The following TNFSF4 variants were observed in gnomAD, a reference collection of about 807,000 sequenced individuals.
The protein encoded by TNFSF4 is tumor necrosis factor ligand superfamily member 4.
Under a neutral mutation model 7.3 loss-of-function variants are expected in TNFSF4, and 4 were observed. The ratio of observed to expected loss-of-function variants is 0.55; its 90% CI spans 0.27 to 1.25. The LOEUF (loss-of-function observed/expected upper bound fraction) is 1.25, where lower values mean the gene tolerates loss of function less well. TNFSF4 is among the 50% of genes most tolerant of loss of function. The pLI is 0.12. For synonymous variants in TNFSF4, 76 were observed against 83.7 expected (o/e 0.91, Z 0.50); for missense variants, 181 against 208.8 (o/e 0.87, Z 0.82).
At chr1:173,343,120 C>G in the TNFSF4 span, among the ~76,000 whole-genome samples, 2 of 152,158 alleles carry the variant, frequency 1.3e-5, no homozygotes, top group African/African-American at 4.8e-5. Context: ...TTCATATGAT[C>G]AATAACTACT....
At chr1:173,271,484 C>T in the TNFSF4 span, among the ~76,000 whole-genome samples, 17 of 151,530 alleles carry the variant, frequency 1.1e-4, no homozygotes, top group African/African-American at 3.7e-4. Flanking sequence ...CTACAAAGAA[C>T]TTAAACAAAT....
chr1:173,340,323 TACACACACAC>T, the TNFSF4 span, among the ~76,000 whole-genome samples: 260 of 135,852 alleles, frequency 1.9e-3, 1 homozygote, highest in East Asian at 0.022. Context: ...CTAATCTGTT[TACACACACAC>T]ACACACACAC....
downstream of TNFSF4, among the ~76,000 whole-genome samples, chr1:173,182,085 A>G (rs1472386851): frequency 6.6e-6 from 1 of 152,204 alleles, no homozygotes; most frequent in East Asian, 1.9e-4. Flanking sequence ...AAACCACCCC[A>G]GTATGGTCTT....
chr1:173,197,332 T>C (rs1344990576), intron 1 of TNFSF4, among the ~76,000 whole-genome samples: 1 of 152,238 alleles, frequency 6.6e-6, no homozygotes, highest in South Asian at 2.1e-4. Flanking sequence ...ACCCCATTAC[T>C]GGGTATATAC....
At chr1:173,213,244 A>G in the TNFSF4 span, among the ~76,000 whole-genome samples, 2 of 151,972 alleles carry the variant, frequency 1.3e-5, no homozygotes, top group East Asian at 3.9e-4. Flanking sequence ...TCACTTGTCA[A>G]CCCCTTTTGT....
chr1:173,329,142 T>A, the TNFSF4 span, among the ~76,000 whole-genome samples: 1 of 152,206 alleles, frequency 6.6e-6, no homozygotes, highest in Non-Finnish European at 1.5e-5. Context: ...CTGCTTATGT[T>A]GTAATATTAA....
chr1:173,335,866 A>C, the TNFSF4 span, among the ~76,000 whole-genome samples: 2 of 152,202 alleles, frequency 1.3e-5, no homozygotes, highest in Admixed American at 6.5e-5. Flanking sequence ...GTTACTATAG[A>C]TTGGGGTAAA....
upstream of TNFSF4, among the ~76,000 whole-genome samples, chr1:173,207,796 C>T (rs1167246842): frequency 6.6e-6 from 1 of 152,154 alleles, no homozygotes; most frequent in Non-Finnish European, 1.5e-5. Context: ...CTGGGTCATG[C>T]AGAAGTAAAG....
the TNFSF4 span, among the ~76,000 whole-genome samples, chr1:173,266,136 C>T: frequency 6.6e-6 from 1 of 151,840 alleles, no homozygotes; most frequent in Admixed American, 6.6e-5. Context: ...GAGATAATAA[C>T]CAATTCAACC....
chr1:173,430,158 A>C, the TNFSF4 span, among the ~76,000 whole-genome samples: 1 of 152,216 alleles, frequency 6.6e-6, no homozygotes, highest in African/African-American at 2.4e-5. Flanking sequence ...CTAAGCACAC[A>C]GACGGTTGCA....
At chr1:173,381,783 G>A in the TNFSF4 span, among the ~76,000 whole-genome samples, 2 of 152,196 alleles carry the variant, frequency 1.3e-5, no homozygotes, top group African/African-American at 2.4e-5. Context: ...GGGCTTCTGG[G>A]TCGGGTGGGG....
chr1:173,435,326 C>T, the TNFSF4 span, among the ~76,000 whole-genome samples: 4 of 152,188 alleles, frequency 2.6e-5, no homozygotes, highest in Admixed American at 1.3e-4. Flanking sequence ...TTAGTTTACG[C>T]TCTGGACTGA....
chr1:173,252,924 A>G, the TNFSF4 span, among the ~76,000 whole-genome samples: 1 of 152,262 alleles, frequency 6.6e-6, no homozygotes, highest in Non-Finnish European at 1.5e-5. Context: ...GATAAGTTTC[A>G]GAACTTCCTT....
the TNFSF4 span, among the ~76,000 whole-genome samples, chr1:173,245,640 T>C: frequency 1.5e-4 from 23 of 152,306 alleles, no homozygotes; most frequent in African/African-American, 4.3e-4. Flanking sequence ...AAATATACAA[T>C]ATTGTTAACC....
At chr1:173,357,525 A>T in the TNFSF4 span, among the ~76,000 whole-genome samples, 9,217 of 149,474 alleles carry the variant, frequency 0.062, 417 homozygotes, top group Non-Finnish European at 0.09. Flanking sequence ...TGTTGTGCTA[A>T]CTCCATACCA....
intron 1 of TNFSF4, among the ~76,000 whole-genome samples, 190 bp from the exon 2 acceptor site, chr1:173,188,759 C>G (rs1352006543): frequency 6.6e-6 from 1 of 152,138 alleles, no homozygotes; most frequent in Non-Finnish European, 1.5e-5. Flanking sequence ...GACACCCAGG[C>G]TGGAGTGCAG....
chr1:173,176,822 C>T, the TNFSF4 span, among the ~76,000 whole-genome samples: 2 of 152,102 alleles, frequency 1.3e-5, no homozygotes, highest in African/African-American at 4.8e-5. Flanking sequence ...TCCTTTGCAG[C>T]AACACGGATG....
the TNFSF4 span, among the ~76,000 whole-genome samples, chr1:173,280,926 T>C: frequency 6.6e-6 from 1 of 152,164 alleles, no homozygotes; most frequent in Admixed American, 6.6e-5. Flanking sequence ...TAACCTACTT[T>C]CCAATTTTGT....
chr1:173,413,341 C>T, the TNFSF4 span, among the ~76,000 whole-genome samples: 1 of 152,150 alleles, frequency 6.6e-6, no homozygotes, highest in Non-Finnish European at 1.5e-5. Flanking sequence ...GAAAGGTTTC[C>T]CTGTATCTGT....
Sources: allele counts gnomAD v4.1 joint callset (sites outside exome capture counted in the v4.1 genomes callset), GRCh38; gene constraint gnomAD v4.1.1; transcripts MANE v1.5; gene names NCBI Gene and HGNC (gene_info 2026-07-23, HGNC 2026-07-21).